AGBL4: variants seen among roughly 807,000 people sequenced by gnomAD.
AGBL4 encodes AGBL carboxypeptidase 4, also known as cytosolic carboxypeptidase 6.
Under a neutral mutation model 66.4 loss-of-function variants are expected in AGBL4, and 58 were observed. The ratio of observed to expected loss-of-function variants is 0.87; its 90% confidence interval spans 0.71 to 1.09. The LOEUF (loss-of-function observed/expected upper bound fraction) is 1.09, where lower values mean the gene tolerates loss of function less well. AGBL4 is among the 50% of genes least tolerant of loss of function. The probability of loss-of-function intolerance (pLI) is 0.00; values close to 1 mark genes in which losing one functional copy is unlikely to be tolerated. For missense variants in AGBL4, 579 were observed against 631.0 expected (o/e 0.92, Z 0.88); for synonymous variants, 234 against 222.9 (o/e 1.05, Z -0.44).
intron 3 of AGBL4, among the ~76,000 whole-genome samples, chr1:49,290,369 A>G (rs1644511027): frequency 1.3e-5 from 2 of 152,192 alleles, no homozygotes; most frequent in Admixed American, 6.5e-5. Flanking sequence ...TTTAGATGAC[A>G]GGAGACCAAA....
At chr1:49,532,959 T>C (rs1390305394) in intron 3 of AGBL4, among the ~76,000 whole-genome samples, 1 of 152,226 alleles carries the variant, frequency 6.6e-6, no homozygotes. Context: ...CCAGAGAATG[T>C]ACCTCTTAAA....
At chr1:48,846,686 C>T (rs544105184) in intron 6 of AGBL4, among the ~76,000 whole-genome samples, 1 of 152,204 alleles carries the variant, frequency 6.6e-6, no homozygotes, top group African/African-American at 2.4e-5. Flanking sequence ...ATCTCACATG[C>T]AGATATAAGG....
chr1:48,892,917 C>T (rs1651113490), intron 5 of AGBL4, among the ~76,000 whole-genome samples: 1 of 152,106 alleles, frequency 6.6e-6, no homozygotes, highest in Non-Finnish European at 1.5e-5. Flanking sequence ...GTCGCATACA[C>T]AGGTACCAGG....
intron 6 of AGBL4, among the ~76,000 whole-genome samples, chr1:48,824,776 G>A (rs1646390196): frequency 6.6e-6 from 1 of 152,186 alleles, no homozygotes; most frequent in Admixed American, 6.5e-5. Context: ...GGTAGGCCAG[G>A]TTACTGCCTT....
intron 3 of AGBL4, among the ~76,000 whole-genome samples, chr1:49,303,577 C>T (rs989421214): frequency 1.3e-5 from 2 of 151,690 alleles, no homozygotes; most frequent in African/African-American, 2.4e-5. Flanking sequence ...CTCAGCCTCC[C>T]GAGTAGCTGG....
At chr1:49,950,017 CATATGTGTGTGTGTGTATATATAT>C (rs1557611646) in intron 1 of AGBL4, among the ~76,000 whole-genome samples, 1 of 38,794 alleles carries the variant, frequency 2.6e-5, no homozygotes, top group South Asian at 2.1e-3. Flanking sequence ...TATACACACA[CATATGTGTGTGTGTGTATATATAT>C]ACACATATGT....
At chr1:49,717,477 C>T (rs1648241083) in intron 2 of AGBL4, among the ~76,000 whole-genome samples, 1 of 151,986 alleles carries the variant, frequency 6.6e-6, no homozygotes, top group African/African-American at 2.4e-5. Context: ...TATCACTTTA[C>T]TTGGCTTCCT....
chr1:48,530,784 CCTT>C (rs994278829), downstream of AGBL4, among the ~76,000 whole-genome samples: 9 of 152,194 alleles, frequency 5.9e-5, no homozygotes, highest in African/African-American at 1.9e-4. Context: ...TGATCCCTCT[CCTT>C]CTCACCCCTA....
At chr1:49,402,742 T>C (rs1201220241) in intron 3 of AGBL4, among the ~76,000 whole-genome samples, 1 of 152,114 alleles carries the variant, frequency 6.6e-6, no homozygotes, top group Non-Finnish European at 1.5e-5. Context: ...TAATTTTGTA[T>C]TTTTAGTAGA....
chr1:48,844,065 C>T (rs1404868266), intron 6 of AGBL4, among the ~76,000 whole-genome samples: 1 of 152,100 alleles, frequency 6.6e-6, no homozygotes, highest in African/African-American at 2.4e-5. Flanking sequence ...CTCCTTCTGC[C>T]CCCCAACACC....
chr1:49,347,057 T>C (rs1363331702), intron 3 of AGBL4, among the ~76,000 whole-genome samples: 4 of 152,202 alleles, frequency 2.6e-5, no homozygotes, highest in Non-Finnish European at 5.9e-5. Flanking sequence ...ACTTTAAAGC[T>C]AATATAGATT....
intron 1 of AGBL4, among the ~76,000 whole-genome samples, chr1:49,883,625 T>C (rs931182795): frequency 2.6e-5 from 4 of 152,092 alleles, no homozygotes; most frequent in Non-Finnish European, 5.9e-5. Context: ...AAAGGACTTT[T>C]AGGACCTAAT....
At chr1:48,998,007 T>C (rs893736622) in intron 5 of AGBL4, among the ~76,000 whole-genome samples, 4 of 152,224 alleles carry the variant, frequency 2.6e-5, no homozygotes, top group Non-Finnish European at 5.9e-5. Flanking sequence ...CTTCTTTGGG[T>C]ATTCCAAAAA....
chr1:49,206,955 G>A (rs868175122), intron 4 of AGBL4, among the ~76,000 whole-genome samples: 1 of 151,494 alleles, frequency 6.6e-6, no homozygotes, highest in African/African-American at 2.4e-5. Flanking sequence ...TGGGAACTGA[G>A]GGAACAAACC....
At chr1:49,912,162 C>T (rs1050699961) in intron 1 of AGBL4, among the ~76,000 whole-genome samples, 5 of 152,200 alleles carry the variant, frequency 3.3e-5, no homozygotes, top group African/African-American at 1.2e-4. Flanking sequence ...GGGCCCAGTC[C>T]CAGATCCAGC....
chr1:48,600,969 C>T (rs563479094), intron 9 of AGBL4, among the ~76,000 whole-genome samples: 1 of 152,288 alleles, frequency 6.6e-6, no homozygotes, highest in East Asian at 1.9e-4. Context: ...TCCCTTTCTC[C>T]ACGTCTATGC....
intron 3 of AGBL4, among the ~76,000 whole-genome samples, chr1:49,300,276 T>C (rs1004954965): frequency 7.9e-5 from 12 of 152,188 alleles, no homozygotes; most frequent in African/African-American, 2.9e-4. Flanking sequence ...TGGGTGTGCA[T>C]CCCAGTTCTG....
At chr1:49,278,499 A>T (rs927532057) in intron 3 of AGBL4, among the ~76,000 whole-genome samples, 16 of 152,192 alleles carry the variant, frequency 1.1e-4, no homozygotes, top group Admixed American at 1.0e-3. Flanking sequence ...TTTAGGGCAG[A>T]GATCAAGTCA....
intron 5 of AGBL4, among the ~76,000 whole-genome samples, chr1:48,896,266 T>G (rs377406911): frequency 3.9e-5 from 6 of 152,228 alleles, no homozygotes; most frequent in African/African-American, 1.4e-4. Flanking sequence ...TCCTCTCACA[T>G]TGTCCTTTGG....
Sources: gnomAD v4.1 joint callset for allele counts (sites outside exome capture counted in the v4.1 genomes callset) on GRCh38, gnomAD v4.1.1 for gene constraint, MANE v1.5 for transcripts, NCBI Gene and HGNC (gene_info 2026-07-23, HGNC 2026-07-21) for gene names.